RNF150: variants seen among roughly 807,000 people sequenced by gnomAD.
The protein encoded by RNF150 is ring finger protein 150.
Under a neutral mutation model 39.3 loss-of-function variants are expected in RNF150, and 24 were observed. The ratio of observed to expected loss-of-function variants is 0.61; its 90% CI spans 0.44 to 0.86. RNF150 has a LOEUF of 0.86. Among genes scored for constraint, RNF150 ranks in the 40% least tolerant of loss-of-function variants. RNF150 has a pLI of 0.00. For synonymous variants in RNF150, 255 were observed against 227.3 expected (o/e 1.12, Z -1.10); for missense variants, 502 against 587.8 (o/e 0.85, Z 1.51).
At chr4:141,056,026 T>C (rs1380117985) in intron 1 of RNF150, among the ~76,000 whole-genome samples, 1 of 152,194 alleles carries the variant, frequency 6.6e-6, no homozygotes, top group Non-Finnish European at 1.5e-5. Flanking sequence ...TAGGTGTTCC[T>C]CTCTTTACAT....
chr4:140,881,741 T>C (rs966567474), intron 6 of RNF150, among the ~76,000 whole-genome samples: 2 of 151,960 alleles, frequency 1.3e-5, no homozygotes, highest in African/African-American at 2.4e-5. Context: ...AAGAGCCAAG[T>C]GTAGTGACAT....
chr4:141,188,739 G>A (rs1025290549), intron 1 of RNF150, among the ~76,000 whole-genome samples: 11 of 152,152 alleles, frequency 7.2e-5, no homozygotes, highest in African/African-American at 1.9e-4. Flanking sequence ...ATTCTAGTTA[G>A]CAGTTCCTGT....
chr4:141,005,912 CA>C (rs1446188092), intron 1 of RNF150, among the ~76,000 whole-genome samples: 3 of 146,744 alleles, frequency 2.0e-5, no homozygotes, highest in Non-Finnish European at 3.0e-5. Flanking sequence ...ACTAAAAATA[CA>C]AAAAAATTAG....
At chr4:141,117,391 T>C (rs567507182) in intron 1 of RNF150, among the ~76,000 whole-genome samples, 1 of 152,286 alleles carries the variant, frequency 6.6e-6, no homozygotes, top group South Asian at 2.1e-4. Flanking sequence ...TGTTTAGACA[T>C]GTTTATATAT....
chr4:140,971,407 G>C (rs1015578153), intron 1 of RNF150, among the ~76,000 whole-genome samples: 2 of 152,074 alleles, frequency 1.3e-5, no homozygotes, highest in African/African-American at 2.4e-5. Flanking sequence ...TAGCATATTT[G>C]GTATGGGAAA....
chr4:141,037,450 A>C (rs1471459166), intron 1 of RNF150, among the ~76,000 whole-genome samples: 1 of 152,218 alleles, frequency 6.6e-6, no homozygotes, highest in Non-Finnish European at 1.5e-5. Context: ...GAAGACAGAA[A>C]ACATAAATAT....
At chr4:141,020,895 G>C (rs937611464) in intron 1 of RNF150, among the ~76,000 whole-genome samples, 1 of 152,138 alleles carries the variant, frequency 6.6e-6, no homozygotes, top group African/African-American at 2.4e-5. Flanking sequence ...ACTGTGGTTA[G>C]GCTGTGTGAA....
intron 4 of RNF150, among the ~76,000 whole-genome samples, chr4:140,935,275 G>A (rs1021198105): frequency 2.6e-5 from 4 of 151,430 alleles, no homozygotes; most frequent in Non-Finnish European, 5.9e-5. Flanking sequence ...TTTACTTTGG[G>A]AATGCAAGCT....
At position 140,863,166 on chromosome 4, in the gene RNF150, C is replaced by G. The variant is rs527969126; in HGVS notation, c.*5095G>C. Reference sequence around the variant, plus strand: ...GGAAGAATGGGCATTCCATCAGGTACAGTATACAAGTTTTTCCAAGAAATC... The same window carrying G: ...GGAAGAATGGGCATTCCATCAGGTAGAGTATACAAGTTTTTCCAAGAAATC... On this transcript the variant is annotated 3_prime_UTR_variant, in exon 7 of 7. Coordinates refer to ENST00000515673, the MANE Select transcript of RNF150 (RefSeq NM_020724.2). 6.6e-6 allele frequency: 1 copy of G among 152,194 alleles called. No homozygotes were observed. Among genetic ancestry groups the G allele is most frequent in the Non-Finnish European group, 1.5e-5 (1 of 68,058 alleles). 9.4% of individuals were successfully genotyped at this position (152,194 alleles called of 1,614,324 possible).
chr4:141,184,640 T>C (rs1403790686), intron 1 of RNF150, among the ~76,000 whole-genome samples: 1 of 152,162 alleles, frequency 6.6e-6, no homozygotes, highest in Non-Finnish European at 1.5e-5. Flanking sequence ...CTTTAGGTCT[T>C]ATGTTGAAAT....
intron 1 of RNF150, among the ~76,000 whole-genome samples, chr4:141,185,012 A>ATT (rs33941568): frequency 0.36 from 54,209 of 150,924 alleles, 11,880 homozygotes; most frequent in Non-Finnish European, 0.49. Context: ...ATACAGGCTC[A>ATT]TTTTTTTTTG....
intron 2 of RNF150, among the ~76,000 whole-genome samples, chr4:140,960,168 T>C (rs1261052444): frequency 1.3e-5 from 2 of 152,170 alleles, no homozygotes; most frequent in African/African-American, 4.8e-5. Flanking sequence ...GTAAATGCCA[T>C]GAGAGTTGAC....
At chr4:141,082,047 T>G (rs751510510) in intron 1 of RNF150, among the ~76,000 whole-genome samples, 9 of 152,262 alleles carry the variant, frequency 5.9e-5, no homozygotes, top group Non-Finnish European at 1.2e-4. Context: ...CCCAAAAGCT[T>G]GCTTCAGTTT....
chr4:141,037,493 T>C (rs963089180), intron 1 of RNF150, among the ~76,000 whole-genome samples: 1 of 152,190 alleles, frequency 6.6e-6, no homozygotes, highest in Non-Finnish European at 1.5e-5. Context: ...TGCACTTTCT[T>C]CTGAAGGAAA....
chr4:140,911,873 G>A (rs1730620854), intron 5 of RNF150, among the ~76,000 whole-genome samples: 1 of 152,234 alleles, frequency 6.6e-6, no homozygotes, highest in East Asian at 1.9e-4. Context: ...CACACACAGA[G>A]CACAGGATAA....
At chr4:140,922,525 G>C (rs1419231935) in intron 5 of RNF150, among the ~76,000 whole-genome samples, 1 of 151,914 alleles carries the variant, frequency 6.6e-6, no homozygotes, top group Non-Finnish European at 1.5e-5. Context: ...AATCAATATC[G>C]TGAAAATGGC....
chr4:141,178,518 G>A (rs1025929088), intron 1 of RNF150, among the ~76,000 whole-genome samples: 1 of 152,096 alleles, frequency 6.6e-6, no homozygotes, highest in Non-Finnish European at 1.5e-5. Flanking sequence ...AACAATTTTT[G>A]AAAGAATTTT....
intron 1 of RNF150, among the ~76,000 whole-genome samples, chr4:141,179,014 T>G (rs747968292): frequency 6.6e-6 from 1 of 152,128 alleles, no homozygotes; most frequent in Admixed American, 6.6e-5. Flanking sequence ...CATTTTTCTC[T>G]CTTAGGACCC....
chr4:140,960,747 A>G (rs1378633178), intron 2 of RNF150, among the ~76,000 whole-genome samples: 4 of 152,150 alleles, frequency 2.6e-5, no homozygotes, highest in Non-Finnish European at 4.4e-5. Context: ...AAGTGTGTCA[A>G]TAGAGCTAAA....
Sources: allele counts gnomAD v4.1 joint callset (sites outside exome capture counted in the v4.1 genomes callset), GRCh38; gene constraint gnomAD v4.1.1; transcripts MANE v1.5; gene names NCBI Gene and HGNC (gene_info 2026-07-23, HGNC 2026-07-21).